ADGRV1: variants seen among roughly 807,000 people sequenced by gnomAD.
ADGRV1 encodes the protein adhesion G protein-coupled receptor V1.
ADGRV1 carries 359 observed loss-of-function variants against 596.2 expected under a neutral mutation model. The ratio of observed to expected loss-of-function variants is 0.60; its 90% CI spans 0.55 to 0.66. The LOEUF (loss-of-function observed/expected upper bound fraction) is 0.66, where lower values mean the gene tolerates loss of function less well. Among genes scored for constraint, ADGRV1 ranks in the 30% least tolerant of loss-of-function variants. The pLI, the probability that ADGRV1 is intolerant of heterozygous loss-of-function variation, is 0.00. For synonymous variants in ADGRV1, 2,681 were observed against 2,679.2 expected (o/e 1.00, Z -0.02); for missense variants, 7,274 against 7,575.6 (o/e 0.96, Z 1.48).
intron 75 of ADGRV1, among the ~76,000 whole-genome samples, chr5:90,819,393 A>G (rs1454146680): frequency 4.1e-4 from 62 of 151,288 alleles, no homozygotes; most frequent in Middle Eastern, 3.4e-3. Flanking sequence ...TTTTTTGAAG[A>G]GTTTTTTGTG....
intron 85 of ADGRV1, among the ~76,000 whole-genome samples, chr5:90,995,792 G>A (rs1207376898): frequency 6.6e-6 from 1 of 152,144 alleles, no homozygotes; most frequent in African/African-American, 2.4e-5. Context: ...ATGGAGATGA[G>A]GAACTTACTG....
chr5:90,892,644 C>G (rs901530140), intron 83 of ADGRV1, among the ~76,000 whole-genome samples: 3 of 152,040 alleles, frequency 2.0e-5, no homozygotes, highest in Non-Finnish European at 4.4e-5. Context: ...TTCTCTTACC[C>G]CTTTTAATCC....
chr5:90,948,711 A>T (rs10942619), intron 83 of ADGRV1, among the ~76,000 whole-genome samples: 65,060 of 151,898 alleles, frequency 0.43, 15,097 homozygotes, highest in Non-Finnish European at 0.51. Flanking sequence ...TCTGACACTT[A>T]CATTAGCCTA....
At chr5:90,615,394 T>G (rs1259491970) in intron 2 of ADGRV1, among the ~76,000 whole-genome samples, 5 of 151,764 alleles carry the variant, frequency 3.3e-5, no homozygotes, top group Admixed American at 2.6e-4. Flanking sequence ...GAAACGACAA[T>G]AGTAAAAAAA....
intron 73 of ADGRV1, among the ~76,000 whole-genome samples, chr5:90,808,345 C>T (rs932333389): frequency 2.0e-5 from 3 of 152,148 alleles, no homozygotes; most frequent in South Asian, 2.1e-4. Context: ...GCCACTTACT[C>T]GCTGTGTAAC....
chr5:90,774,543 T>C (rs1414552913), intron 60 of ADGRV1, among the ~76,000 whole-genome samples: 1 of 152,176 alleles, frequency 6.6e-6, no homozygotes, highest in Non-Finnish European at 1.5e-5. Context: ...TTTTTTCTAA[T>C]GAAGATGTTT....
chr5:91,041,832 A>G (rs986151764), intron 85 of ADGRV1, among the ~76,000 whole-genome samples: 2 of 152,124 alleles, frequency 1.3e-5, no homozygotes, highest in African/African-American at 4.8e-5. Flanking sequence ...TTGAGACTCA[A>G]TTGGTTGGCC....
Position 90,690,890 on chromosome 5 carries a change from A to T in ADGRV1, c.6800A>T (p.Asn2267Ile). 1 of 1,613,674 alleles carries T rather than the reference A, an allele frequency of 6.2e-7. No individual in the cohort carries two copies. The highest frequency in any genetic ancestry group is 8.5e-7 in the Non-Finnish European group (1 of 1,179,716). ...PIIRNSGTLG[N>I]VTVQWVATIN... is the part of the protein sequence containing the mutation. ...ATTCGAAATTCTGGGACACTCGGCA[A>T]TGTTACTGTTCAGTGGGTTGCCACC... is the stretch of plus-strand genomic sequence containing the variant. The change falls in exon 31 of 90, where the codon AAT becomes ATT. Residue 2267 changes from asparagine (N) to isoleucine (I), a missense_variant. Coordinates refer to ENST00000405460, the MANE Select transcript of ADGRV1 (RefSeq NM_032119.4).
chr5:91,028,014 G>A (rs955072614), intron 85 of ADGRV1, among the ~76,000 whole-genome samples: 13 of 149,852 alleles, frequency 8.7e-5, no homozygotes, highest in African/African-American at 3.2e-4. Context: ...ACTCACTACT[G>A]AGATCCAGCT....
chr5:91,131,510 G>T (rs1006685124), intron 87 of ADGRV1, among the ~76,000 whole-genome samples: 1 of 151,542 alleles, frequency 6.6e-6, no homozygotes, highest in Non-Finnish European at 1.5e-5. Flanking sequence ...GAGTACAGTG[G>T]CATGATCTCG....
chr5:90,884,216 C>A (rs1287656630), intron 83 of ADGRV1, among the ~76,000 whole-genome samples: 1 of 152,114 alleles, frequency 6.6e-6, no homozygotes, highest in African/African-American at 2.4e-5. Flanking sequence ...CTCTACCATT[C>A]AAATGCCAGT....
chr5:90,917,882 T>A (rs1056540915), intron 83 of ADGRV1, among the ~76,000 whole-genome samples: 1 of 151,874 alleles, frequency 6.6e-6, no homozygotes, highest in African/African-American at 2.4e-5. Flanking sequence ...ACCACTATCA[T>A]TTTTTTTAAA....
At chr5:90,979,854 G>A (rs1779944099) in intron 84 of ADGRV1, among the ~76,000 whole-genome samples, 1 of 152,126 alleles carries the variant, frequency 6.6e-6, no homozygotes. Flanking sequence ...GCAGAACCAT[G>A]TCAAAGACCC....
chr5:90,973,906 C>A lies in ADGRV1; in HGVS notation c.17973+8375C>A, dbSNP rs946192436. ...GTATTCAATTAGGAAAAGAGGAAGT[C>A]AAATTGTCCCTGTTTGCAGATGACA... On this transcript the variant is annotated intron_variant, in intron 84 of 89. Transcript: ENST00000405460. Among the ~76,000 whole-genome samples, 3 of 152,190 alleles carry A rather than the reference C, an allele frequency of 2.0e-5. No homozygotes were observed. The East Asian group carries it at 5.8e-4, about 29-fold the overall frequency.
intron 75 of ADGRV1, among the ~76,000 whole-genome samples, chr5:90,820,801 G>A (rs529344944): frequency 6.6e-6 from 1 of 152,012 alleles, no homozygotes; most frequent in Admixed American, 6.5e-5. Flanking sequence ...AGTCTGATGG[G>A]CTTCCCTATG....
At chr5:90,652,169 T>A (rs892591205) in intron 18 of ADGRV1, among the ~76,000 whole-genome samples, 177 bp from the exon 19 acceptor site, 2 of 152,218 alleles carry the variant, frequency 1.3e-5, no homozygotes, top group African/African-American at 4.8e-5. Flanking sequence ...TCTCTTTTAT[T>A]AAAGTTCTAC....
chr5:90,943,540 C>T (rs1388689783), intron 83 of ADGRV1, among the ~76,000 whole-genome samples: 1 of 152,150 alleles, frequency 6.6e-6, no homozygotes, highest in Admixed American at 6.5e-5. Context: ...AGAGGCCTTC[C>T]ATGACCTTCC....
chr5:90,762,574 A>G (rs1262242624), intron 58 of ADGRV1: 2 of 152,226 alleles, frequency 1.3e-5, no homozygotes, highest in East Asian at 1.9e-4. Context: ...CAGAGTCAAC[A>G]TATGTACTTC....
At chr5:90,737,544 T>TTG (rs1265172926) in intron 50 of ADGRV1, among the ~76,000 whole-genome samples, 2 of 151,996 alleles carry the variant, frequency 1.3e-5, no homozygotes, top group African/African-American at 4.8e-5. Flanking sequence ...TCCCCTACTA[T>TTG]TATTGTATTG....
Sources: allele counts gnomAD v4.1 joint callset (sites outside exome capture counted in the v4.1 genomes callset), GRCh38; gene constraint gnomAD v4.1.1; transcripts MANE v1.5; gene names NCBI Gene and HGNC (gene_info 2026-07-23, HGNC 2026-07-21).